OR4E2: variants seen among roughly 807,000 people sequenced by gnomAD.
OR4E2 encodes the protein olfactory receptor 4E2.
OR4E2 carries 9 observed loss-of-function variants against 11.0 expected under a neutral mutation model. The ratio of observed to expected loss-of-function variants is 0.82; its 90% confidence interval spans 0.49 to 1.43. OR4E2 has a LOEUF of 1.43. Ranked by LOEUF, OR4E2 falls within the 40% of genes most tolerant of loss-of-function variation. OR4E2 has a pLI of 0.00. For missense variants in OR4E2, 441 were observed against 382.0 expected, an observed-to-expected ratio of 1.15 and a Z score of -1.29; for synonymous variants, 159 against 147.3, an observed-to-expected ratio of 1.08 and a Z score of -0.57.
chr14:21,662,843 A>G (rs898845269), intron 3 of OR4E2, among the ~76,000 whole-genome samples: 11 of 152,118 alleles, frequency 7.2e-5, no homozygotes, highest in African/African-American at 2.7e-4. Context: ...CTTTTTTCAT[A>G]GTTTGAATGC....
intron 2 of OR4E2, among the ~76,000 whole-genome samples, 156 bp from the exon 3 acceptor site, chr14:21,660,497 G>A (rs1318064999): frequency 5.3e-5 from 8 of 152,230 alleles, no homozygotes; most frequent in Admixed American, 5.2e-4. Flanking sequence ...AGAGTGGTAG[G>A]AGACGAGGTC....
intron 3 of OR4E2, among the ~76,000 whole-genome samples, chr14:21,663,103 T>C (rs1880424779): frequency 6.6e-6 from 1 of 152,216 alleles, no homozygotes; most frequent in Non-Finnish European, 1.5e-5. Flanking sequence ...TCAGTTCAAG[T>C]AAAAATTGTT....
In OR4E2 at chr14:21,665,315, T is replaced by G; in HGVS notation, c.233T>G (p.Val78Gly). 3 of 1,614,184 alleles carry G rather than the reference T, an allele frequency of 1.9e-6. No homozygotes were observed. Among genetic ancestry groups the G allele is most frequent in the Non-Finnish European group, 2.5e-6 (3 of 1,179,998 alleles). Residue 78 changes from valine to glycine, a missense_variant, in exon 4 of 4, where the codon GTG becomes GGG. Val to Gly is a moderately radical substitution (Grantham distance 109, BLOSUM62 -3). Coordinates refer to ENST00000641524, the MANE Select transcript of OR4E2 (RefSeq NM_001001912.3). ...FIDICHSSVT[V>G]PKMLEGLLLE... ...GACATCTGCCACTCATCTGTCACTG[T>G]GCCTAAGATGTTGGAGGGTTTGCTT...
chr14:21,657,457 TTCCTTCCTTCCTTCCTTCCTTC>T (rs1377293171), intron 2 of OR4E2, among the ~76,000 whole-genome samples: 1 of 68,380 alleles, frequency 1.5e-5, no homozygotes, highest in African/African-American at 8.0e-5. Context: ...CCTTCCTTCC[TTCCTTCCTTCCTTCCTTCCTTC>T]CTTCCTTCCT....
intron 3 of OR4E2, 67 bp from the exon 4 acceptor site, chr14:21,665,008 G>A (rs948449703): frequency 1.1e-5 from 9 of 814,364 alleles, no homozygotes; most frequent in East Asian, 2.6e-5. Context: ...AGAATACAAA[G>A]TCATTTCAAT....
At position 21,657,405 on chromosome 14, in the gene OR4E2, C is replaced by CTTT. The variant is rs1566581784; in HGVS notation, c.-103+816_-103+817insTTT. 6.0e-4 allele frequency among the ~76,000 whole-genome samples: 79 copies of CTTT among 132,312 alleles called. 1 individual carries two copies. The highest frequency in any genetic ancestry group is 1.0e-3 in the South Asian group (4 of 3,976). The allele number at this position is 132,312 out of a possible 152,430, so 86.8% of individuals were successfully genotyped here. A position where few individuals can be genotyped will look rare whatever the true frequency, so the allele number is the denominator to read the frequency against. ...TCCTTCCTTTCTTTCTTCCTTCCTT[C>CTTT]CTTTCTTTCTTTCTTTCTCTTTCTT... On this transcript the variant is annotated intron_variant, in intron 2 of 3. Transcript: ENST00000641524.
intron 1 of OR4E2, among the ~76,000 whole-genome samples, 156 bp from the exon 2 acceptor site, chr14:21,656,342 AGAGT>A (rs950358280): frequency 6.6e-6 from 1 of 152,160 alleles, no homozygotes; most frequent in African/African-American, 2.4e-5. Context: ...CCTAGGTGAC[AGAGT>A]GAGACTCTCT....
chr14:21,657,461 TTCCTTCCTTCCTTCCTTCC>T, intron 2 of OR4E2, among the ~76,000 whole-genome samples: 1 of 89,320 alleles, frequency 1.1e-5, no homozygotes, highest in African/African-American at 5.6e-5. Flanking sequence ...CCTTCCTTCC[TTCCTTCCTTCCTTCCTTCC>T]TTCCTTCCTT....
At position 21,666,024 on chromosome 14, in the gene OR4E2, A is replaced by G; in HGVS notation, c.942A>G (p.Ter314=). The stretch of plus-strand genomic sequence containing the variant: ...TTTTTTTCACGAAATCATATACATA[A>G]TGGGCACTGGGATTGCAGACATAAT... ...RQVFFTKSYT[*] Residue 314 remains the stop codon, a stop_retained_variant, in exon 4 of 4, where the codon TAA becomes TAG. Coordinates refer to ENST00000641524, the MANE Select transcript of OR4E2 (RefSeq NM_001001912.3). 2.5e-6 allele frequency: 4 copies of G among 1,606,086 alleles called. No homozygotes were observed. Among genetic ancestry groups the G allele is most frequent in the African/African-American group, 1.3e-5 (1 of 74,778 alleles).
At chr14:21,664,328 C>T (rs748420436) in intron 3 of OR4E2, among the ~76,000 whole-genome samples, 3 of 152,080 alleles carry the variant, frequency 2.0e-5, no homozygotes, top group African/African-American at 4.8e-5. Context: ...TTTTGATTTG[C>T]GTTTCTCTAA....
chr14:21,664,105 T>TG (rs1880489973), intron 3 of OR4E2, among the ~76,000 whole-genome samples: 1 of 152,216 alleles, frequency 6.6e-6, no homozygotes. Flanking sequence ...TATTTTCCTT[T>TG]GGTTATATAC....
In OR4E2 at chr14:21,656,488, T is replaced by C. The variant is rs1318931134; in HGVS notation, c.-190-14T>C. On this transcript the variant is annotated splice_polypyrimidine_tract_variant and intron_variant, in intron 1 of 3. Coordinates refer to ENST00000641524, the MANE Select transcript of OR4E2 (RefSeq NM_001001912.3). ...ATGTTTTTTAGGATTTTGCTTTTTCTGTTTCATTTCTAGAAACAATTATGA... is the reference window on the plus strand; with the variant it reads ...ATGTTTTTTAGGATTTTGCTTTTTCCGTTTCATTTCTAGAAACAATTATGA... 6.6e-6 allele frequency: 1 copy of C among 152,262 alleles called. No homozygotes were observed. Among genetic ancestry groups the C allele is most frequent in the Non-Finnish European group, 1.5e-5 (1 of 68,044 alleles). 9.4% of individuals were successfully genotyped at this position (152,262 alleles called of 1,614,324 possible). A position where few individuals can be genotyped will look rare whatever the true frequency, so the allele number is the denominator to read the frequency against.
intron 3 of OR4E2, among the ~76,000 whole-genome samples, 165 bp from the exon 4 acceptor site, chr14:21,664,910 C>T (rs1240468855): frequency 6.6e-6 from 1 of 152,086 alleles, no homozygotes; most frequent in Non-Finnish European, 1.5e-5. Context: ...TGGCATGGCT[C>T]CTGGTAAGTA....
chr14:21,665,220 C>T lies in OR4E2; in HGVS notation c.138C>T (p.Ile46=). ...CGCTTTCGGGGAACATTCTCATCAT[C>T]ATTGCCACAGTCTTTACTCCAAGTC... ...MLTLSGNILI[I]IATVFTPSLH... is the part of the protein sequence containing the mutation. Residue 46 remains isoleucine, a synonymous_variant, in exon 4 of 4, where the codon ATC becomes ATT. Transcript: ENST00000641524. The T allele has an allele frequency of 1.2e-6, 2 of 1,614,002 alleles. No homozygotes were observed. The highest frequency in any genetic ancestry group is 1.7e-6 in the Non-Finnish European group (2 of 1,179,910).
chr14:21,659,529 T>C (rs908560548), intron 2 of OR4E2, among the ~76,000 whole-genome samples: 2 of 150,202 alleles, frequency 1.3e-5, no homozygotes, highest in Non-Finnish European at 3.0e-5. Flanking sequence ...GAACGTAGGC[T>C]CTGAAAAATT....
chr14:21,658,538 G>A (rs530329407), intron 2 of OR4E2, among the ~76,000 whole-genome samples: 2 of 152,328 alleles, frequency 1.3e-5, no homozygotes, highest in South Asian at 2.1e-4. Flanking sequence ...CTGAAAGAGA[G>A]ATCAGGTAGA....
At chr14:21,659,974 T>G (rs1454638094) in intron 2 of OR4E2, among the ~76,000 whole-genome samples, 1 of 152,092 alleles carries the variant, frequency 6.6e-6, no homozygotes, top group Non-Finnish European at 1.5e-5. Flanking sequence ...AGTTTTATAT[T>G]ATGTTCATCA....
chr14:21,658,395 T>C (rs1880133124), intron 2 of OR4E2, among the ~76,000 whole-genome samples: 1 of 152,202 alleles, frequency 6.6e-6, no homozygotes, highest in Non-Finnish European at 1.5e-5. Flanking sequence ...AAGCTCTGGA[T>C]TTTACAAATC....
rs149114268 is a variant in OR4E2, at chr14:21,665,791, C to T, written c.709C>T (p.Leu237=). The T allele has an allele frequency of 2.5e-6, 4 of 1,613,836 alleles. No individual in the cohort carries two copies. The highest frequency in any genetic ancestry group is 2.7e-5 in the African/African-American group (2 of 74,912). ...CTCAGCTGAAGGGCGCCGGAAAGCCCTGTCTACCTGCTCGGCCCACTTCAT... is the reference window on the plus strand; with the variant it reads ...CTCAGCTGAAGGGCGCCGGAAAGCCTTGTCTACCTGCTCGGCCCACTTCAT... ...KHSAEGRRKA[L]STCSAHFMVV... Residue 237 remains leucine, a synonymous_variant, in exon 4 of 4, where the codon CTG becomes TTG. Transcript: ENST00000641524.
Sources: gnomAD v4.1 joint callset for allele counts (sites outside exome capture counted in the v4.1 genomes callset) on GRCh38, gnomAD v4.1.1 for gene constraint, MANE v1.5 for transcripts, NCBI Gene and HGNC (gene_info 2026-07-23, HGNC 2026-07-21) for gene names.